JMJD6: variants seen among roughly 807,000 people sequenced by gnomAD.
JMJD6 encodes jumonji domain containing 6, arginine demethylase and lysine hydroxylase.
Under a neutral mutation model 45.8 loss-of-function variants are expected in JMJD6, and 17 were observed. That is an observed-to-expected ratio of 0.37 (90% CI 0.25 to 0.56). The LOEUF (loss-of-function observed/expected upper bound fraction) is 0.56, where lower values mean the gene tolerates loss of function less well. JMJD6 is among the 20% of genes least tolerant of loss of function. JMJD6 has a pLI of 0.79. For synonymous variants in JMJD6, 221 were observed against 196.3 expected (o/e 1.13, Z -1.05); for missense variants, 470 against 517.5 (o/e 0.91, Z 0.89).
At position 76,726,382 on chromosome 17, in the gene JMJD6, A is replaced by T; in HGVS notation, c.94T>A (p.Tyr32Asn). ...GCCGGGCTCAGCGAGAAGCTCTCGT[A>T]GTAGTTGTGCCGGGTCCAATCCAGC... Reference protein sequence around the residue: ...DSLDWTRHNYYESFSLSPAAV... With the variant: ...DSLDWTRHNYNESFSLSPAAV... The change falls in exon 1 of 6, where the codon TAC becomes AAC. Residue 32 changes from tyrosine (Y) to asparagine (N), a missense_variant. This residue lies in a region of JMJD6 where 346 missense variants were observed against 339.5 expected (regional missense o/e 1.02). Transcript: ENST00000397625. 3 of 1,602,670 alleles carry T rather than the reference A, an allele frequency of 1.9e-6. No individual in the cohort carries two copies. The highest frequency in any genetic ancestry group is 2.6e-6 in the Non-Finnish European group (3 of 1,175,684).
chr17:76,723,723 G>C (rs774124364), intron 3 of JMJD6, 49 bp downstream of exon 3: 1 of 1,575,882 alleles, frequency 6.3e-7, no homozygotes, highest in African/African-American at 1.3e-5. Context: ...TTACAGGCAT[G>C]AACCACCGCG....
intron 4 of JMJD6, 45 bp downstream of exon 4, chr17:76,721,753 G>T: frequency 5.6e-6 from 9 of 1,596,970 alleles, no homozygotes; most frequent in Non-Finnish European, 7.7e-6. Flanking sequence ...TATCTCTGGG[G>T]TCGAAATTGA....
intron 2 of JMJD6, among the ~76,000 whole-genome samples, chr17:76,724,534 T>A (rs1443705075): frequency 6.6e-6 from 1 of 151,918 alleles, no homozygotes; most frequent in Non-Finnish European, 1.5e-5. Context: ...ATAAGAAAAA[T>A]CAGCTGGGGC....
exon 7 of JMJD6, chr17:76,713,434 C>G (rs893628998): frequency 1.3e-5 from 2 of 152,138 alleles, no homozygotes; most frequent in East Asian, 3.9e-4. Flanking sequence ...TGAGAGCCAC[C>G]GCCTGGGGGT....
In JMJD6 at chr17:76,718,574, G is replaced by T; in HGVS notation, c.*155C>A. 1 of 1,416,302 alleles carries T rather than the reference G, an allele frequency of 7.1e-7. No homozygotes were observed. 87.7% of individuals were successfully genotyped at this position (1,416,302 alleles called of 1,614,324 possible). ...TGGTAGCAGAGGGAAAGCTACTGGA[G>T]CAAACGCTAAGTGAATGGGTTCCCG... On this transcript the variant is annotated 3_prime_UTR_variant, in exon 6 of 6. Transcript: ENST00000397625.
chr17:76,723,631 C>T (rs1408147575), intron 3 of JMJD6, 141 bp downstream of exon 3: 19 of 772,876 alleles, frequency 2.5e-5, no homozygotes, highest in South Asian at 1.8e-5. Context: ...TTAGTAGAGA[C>T]GGGGTTTCAC....
intron 5 of JMJD6, among the ~76,000 whole-genome samples, 186 bp downstream of exon 5, chr17:76,720,174 C>T (rs1221050377): frequency 2.6e-5 from 4 of 152,080 alleles, no homozygotes; most frequent in Non-Finnish European, 2.9e-5. Context: ...TGCACATGTG[C>T]AAAGCTGTAA....
chr17:76,712,986 A>C (rs1420680696), exon 7 of JMJD6: 1 of 152,112 alleles, frequency 6.6e-6, no homozygotes, highest in East Asian at 1.9e-4. Context: ...TGTTCTGACA[A>C]CTCCAGGAGG....
intron 3 of JMJD6, among the ~76,000 whole-genome samples, chr17:76,722,366 G>A (rs981925530): frequency 2.0e-5 from 3 of 152,174 alleles, no homozygotes; most frequent in Admixed American, 6.5e-5. Flanking sequence ...TTATCAAAGC[G>A]CAGTTGTCTG....
Position 76,725,765 on chromosome 17 carries a change from TCAA to T in JMJD6, c.217_219del (p.Leu73del). On this transcript the variant is annotated inframe_deletion, in exon 2 of 6. Coordinates refer to ENST00000397625, the MANE Select transcript of JMJD6 (RefSeq NM_015167.3). ...TGCGCAGACCAGCCCTCTTGCGCATTCAACAAAACCACGGGCTTGTAAGGTCTT... is the reference window on the plus strand; with the variant it reads ...TGCGCAGACCAGCCCTCTTGCGCATTCAAAACCACGGGCTTGTAAGGTCTT... The T allele has an allele frequency of 6.2e-7, 1 of 1,614,104 alleles. No homozygotes were observed. Among genetic ancestry groups the T allele is most frequent in the Non-Finnish European group, 8.5e-7 (1 of 1,180,018 alleles).
chr17:76,717,242 A>G (rs1049198229), downstream of JMJD6, among the ~76,000 whole-genome samples: 2 of 152,198 alleles, frequency 1.3e-5, no homozygotes, highest in African/African-American at 4.8e-5. Flanking sequence ...AAGACAGGGT[A>G]TCACTATATT....
intron 4 of JMJD6, among the ~76,000 whole-genome samples, 155 bp downstream of exon 4, chr17:76,721,643 C>A (rs2076825828): frequency 6.6e-6 from 1 of 152,170 alleles, no homozygotes. Context: ...TTGCCCTGAC[C>A]TTGGCCCCTC....
chr17:76,716,672 G>A (rs748189143), downstream of JMJD6: 2 of 1,613,970 alleles, frequency 1.2e-6, no homozygotes, highest in Non-Finnish European at 1.7e-6. Context: ...CTCAGGGAGA[G>A]TCTCTTTATC....
intron 2 of JMJD6, 72 bp downstream of exon 2, chr17:76,725,395 A>G (rs2076899916): frequency 7.5e-7 from 1 of 1,324,634 alleles, no homozygotes. Flanking sequence ...TACAAGAGTG[A>G]CGCTCTGTCT....
intron 3 of JMJD6, 36 bp downstream of exon 3, chr17:76,723,736 C>A: frequency 6.2e-7 from 1 of 1,601,068 alleles, no homozygotes; most frequent in South Asian, 1.1e-5. Context: ...CCACCGCGCC[C>A]GGCAAAGAAT....
chr17:76,721,822 G>C lies in JMJD6; in HGVS notation c.917C>G (p.Pro306Arg). The C allele has an allele frequency of 6.2e-7, 1 of 1,614,024 alleles. No homozygotes were observed. Among genetic ancestry groups the C allele is most frequent in the Non-Finnish European group, 8.5e-7 (1 of 1,179,952 alleles). The change falls in exon 4 of 6, where the codon CCA becomes CGA. Residue 306 changes from proline to arginine, a missense_variant. This residue lies in a region of JMJD6 where 58 missense variants were observed against 103.9 expected (regional missense o/e 0.56). Coordinates refer to ENST00000397625, the MANE Select transcript of JMJD6 (RefSeq NM_015167.3). ...CCTATACCATTTCCTTGATAACTTT[G>C]GTCTCCCTCTTACCGTCTTGTGCCA... is the stretch of plus-strand genomic sequence containing the variant. ...VVWHKTVRGRPKLSRKWYRIL... is the reference protein window; with the variant it reads ...VVWHKTVRGRRKLSRKWYRIL...
At chr17:76,723,267 T>C (rs2143734646) in intron 3 of JMJD6, among the ~76,000 whole-genome samples, 1 of 152,162 alleles carries the variant, frequency 6.6e-6, no homozygotes, top group African/African-American at 2.4e-5. Flanking sequence ...TATCAGGTTT[T>C]ATAGCCATAT....
At position 76,720,613 on chromosome 17, in the gene JMJD6, C is replaced by T. The variant is rs576401084; in HGVS notation, c.942-115G>A. 2.4e-5 allele frequency: 23 copies of T among 970,664 alleles called. No individual in the cohort carries two copies. The African/African-American group carries it at 2.5e-4, about 11-fold the overall frequency. The allele number at this position is 970,664 out of a possible 1,614,324, so 60.1% of individuals were successfully genotyped here. A position where few individuals can be genotyped will look rare whatever the true frequency, so the allele number is the denominator to read the frequency against. ...AACACCTGGGAATGCCAGGTGTGTC[C>T]GTTCAGAATGGATACTGTACAATGG... On this transcript the variant is annotated intron_variant, in intron 4 of 5. Coordinates refer to ENST00000397625, the MANE Select transcript of JMJD6 (RefSeq NM_015167.3).
At position 76,724,960 on chromosome 17, in the gene JMJD6, G is replaced by A. The variant is rs567176135; in HGVS notation, c.518+507C>T. ...GAAGAGCTTTCAGAAATTCTGATGC[G>A]CAGGCATCACCCGAATTAAATCAGT... On this transcript the variant is annotated intron_variant, in intron 2 of 5. Coordinates refer to ENST00000397625, the MANE Select transcript of JMJD6 (RefSeq NM_015167.3). 2.4e-3 allele frequency among the ~76,000 whole-genome samples: 368 copies of A among 152,256 alleles called. 2 individuals are homozygous for A. The highest frequency in any genetic ancestry group is 8.1e-3 in the African/African-American group (338 of 41,544).
Sources: gnomAD v4.1 joint callset for allele counts (sites outside exome capture counted in the v4.1 genomes callset) on GRCh38, gnomAD v4.1.1 for gene constraint, gnomAD v4.1.1 regional missense constraint, MANE v1.5 for transcripts, NCBI Gene and HGNC (gene_info 2026-07-23, HGNC 2026-07-21) for gene names.